The following MYO3B variants were observed in gnomAD, a reference collection of about 807,000 sequenced individuals.
MYO3B encodes the protein myosin IIIB, also known as myosin-IIIb.
MYO3B carries 156 observed loss-of-function variants against 174.6 expected under a neutral mutation model. The ratio of observed to expected loss-of-function variants is 0.89; its 90% CI spans 0.78 to 1.02. MYO3B has a LOEUF of 1.02. Ranked by LOEUF, MYO3B falls within the 50% of genes least tolerant of loss-of-function variation. The pLI, the probability that MYO3B is intolerant of heterozygous loss-of-function variation, is 0.00. For synonymous variants in MYO3B, 563 were observed against 569.1 expected (o/e 0.99, Z 0.15); for missense variants, 1,632 against 1,639.4 (o/e 1.00, Z 0.08).
At position 170,330,119 on chromosome 2, in the gene MYO3B, T is replaced by G. The variant is rs10202229; in HGVS notation, c.750-5266T>G. 9.1e-3 allele frequency among the ~76,000 whole-genome samples: 1,382 copies of G among 152,310 alleles called. 21 individuals carry two copies. Among genetic ancestry groups the G allele is most frequent in the African/African-American group, 0.032 (1,332 of 41,564 alleles). On this transcript the variant is annotated intron_variant, in intron 7 of 34. Coordinates refer to ENST00000408978, the MANE Select transcript of MYO3B (RefSeq NM_138995.5). The stretch of plus-strand genomic sequence containing the variant: ...CACCCTCCTCCCCTAGTTAGCTGAT[T>G]TATGTCCCATCTGTGAACAGAGGTC...
At chr2:170,467,965 C>G (rs1032711981) in intron 25 of MYO3B, among the ~76,000 whole-genome samples, 1 of 151,198 alleles carries the variant, frequency 6.6e-6, no homozygotes, top group African/African-American at 2.4e-5. Context: ...ATGAATTTGA[C>G]TAGTCAAGTA....
chr2:170,200,425 G>A, intron 3 of MYO3B, 141 bp downstream of exon 3: 2 of 850,850 alleles, frequency 2.4e-6, no homozygotes, highest in Non-Finnish European at 3.4e-6. Flanking sequence ...CACCAGATGT[G>A]ACATTCTCCT....
chr2:170,337,614 G>A (rs2093954027), intron 8 of MYO3B, among the ~76,000 whole-genome samples: 1 of 152,138 alleles, frequency 6.6e-6, no homozygotes, highest in Non-Finnish European at 1.5e-5. Context: ...TGCAGCGGTT[G>A]GGGTGCTGAC....
At chr2:170,536,753 T>G (rs1265054883) in intron 30 of MYO3B, among the ~76,000 whole-genome samples, 1 of 152,216 alleles carries the variant, frequency 6.6e-6, no homozygotes, top group Non-Finnish European at 1.5e-5. Context: ...ATATCTTAAT[T>G]TACCTTTGTA....
chr2:170,218,259 A>G (rs2092852413), intron 6 of MYO3B, among the ~76,000 whole-genome samples: 1 of 152,160 alleles, frequency 6.6e-6, no homozygotes, highest in East Asian at 1.9e-4. Flanking sequence ...CATACTGGGT[A>G]ATGGATAGGC....
At chr2:170,351,346 C>T (rs1304824364) in intron 8 of MYO3B, among the ~76,000 whole-genome samples, 2 of 152,088 alleles carry the variant, frequency 1.3e-5, no homozygotes, top group East Asian at 3.9e-4. Context: ...TTATGTGATC[C>T]TGTGCTCTAA....
chr2:170,569,817 C>T (rs1396417350), intron 32 of MYO3B, among the ~76,000 whole-genome samples: 1 of 147,522 alleles, frequency 6.8e-6, no homozygotes, highest in Non-Finnish European at 1.5e-5. Context: ...GCTGAGATTG[C>T]ACCACAGCAC....
Position 170,629,744 on chromosome 2 carries a change from C to T in MYO3B, c.3734-21884C>T, listed in dbSNP as rs142404917. On this transcript the variant is annotated intron_variant, in intron 32 of 34. Transcript: ENST00000408978. ...ACATGCCTATAATCCCAGCTACTCACGAGGCTGAGACAGGAGAATCACTTG... is the reference window on the plus strand; with the variant it reads ...ACATGCCTATAATCCCAGCTACTCATGAGGCTGAGACAGGAGAATCACTTG... 1.9e-3 allele frequency among the ~76,000 whole-genome samples: 289 copies of T among 152,134 alleles called. 2 individuals carry two copies. Among genetic ancestry groups the T allele is most frequent in the African/African-American group, 6.2e-3 (259 of 41,500 alleles).
rs928449258 is a variant in MYO3B at position 170,633,566 on chromosome 2, AG to A, written c.3734-18059del. ...TTCCCTTTGAAAACTGGCACAAGAC[AG>A]GGATGCCCTCTCTCACCACTCCTAT... On this transcript the variant is annotated intron_variant, in intron 32 of 34. Coordinates refer to ENST00000408978, the MANE Select transcript of MYO3B (RefSeq NM_138995.5). 6.3e-3 allele frequency among the ~76,000 whole-genome samples: 967 copies of A among 152,354 alleles called. 10 individuals carry two copies. The highest frequency in any genetic ancestry group is 0.021 in the African/African-American group (872 of 41,578).
intron 14 of MYO3B, among the ~76,000 whole-genome samples, chr2:170,390,233 A>G (rs141788110): frequency 2.7e-4 from 41 of 152,338 alleles, no homozygotes; most frequent in African/African-American, 6.3e-4. Flanking sequence ...GTTTGAGACC[A>G]GCCTGTGCAA....
At chr2:170,401,796 C>G in intron 18 of MYO3B, 105 bp downstream of exon 18, 1 of 794,042 alleles carries the variant, frequency 1.3e-6, no homozygotes, top group Non-Finnish European at 1.9e-6. Flanking sequence ...GATTTTCTTT[C>G]TTTTTCTTTT....
intron 7 of MYO3B, among the ~76,000 whole-genome samples, chr2:170,244,279 C>G (rs143398681): frequency 2.9e-3 from 436 of 152,216 alleles, no homozygotes; most frequent in Non-Finnish European, 5.3e-3. Flanking sequence ...AGCAAGAGTT[C>G]TAAACTTAGG....
At chr2:170,461,320 C>G (rs1164133656) in intron 23 of MYO3B, among the ~76,000 whole-genome samples, 1 of 151,374 alleles carries the variant, frequency 6.6e-6, no homozygotes, top group African/African-American at 2.4e-5. Context: ...ACTAAAAACA[C>G]AAAATTAGCT....
intron 29 of MYO3B, among the ~76,000 whole-genome samples, chr2:170,515,655 A>T (rs1303459235): frequency 3.9e-5 from 6 of 151,938 alleles, no homozygotes; most frequent in Non-Finnish European, 8.8e-5. Flanking sequence ...TCTGCTTGAG[A>T]GGCTATGATT....
At chr2:170,276,864 A>G (rs1406621316) in intron 7 of MYO3B, among the ~76,000 whole-genome samples, 1 of 152,172 alleles carries the variant, frequency 6.6e-6, no homozygotes, top group African/African-American at 2.4e-5. Context: ...GTGGATCATC[A>G]TTCTCATTTC....
chr2:170,300,172 T>C (rs2093656801), intron 7 of MYO3B, among the ~76,000 whole-genome samples: 1 of 152,204 alleles, frequency 6.6e-6, no homozygotes, highest in Admixed American at 6.5e-5. Flanking sequence ...ACCTGTACCT[T>C]TGAAATTGGG....
chr2:170,356,526 C>A (rs1004822381), intron 8 of MYO3B, among the ~76,000 whole-genome samples: 2 of 151,534 alleles, frequency 1.3e-5, no homozygotes, highest in African/African-American at 4.8e-5. Context: ...CCACACCTGG[C>A]TAATTTTGTA....
intron 21 of MYO3B, 137 bp from the exon 22 acceptor site, chr2:170,407,578 T>A (rs553788057): frequency 5.3e-4 from 38 of 71,502 alleles, no homozygotes; most frequent in Non-Finnish European, 9.1e-4. Context: ...TCCCTTTATC[T>A]GGTGCTCTGG....
rs551687069 is a variant in MYO3B at position 170,442,537 on chromosome 2, A to G, written c.2651-1430A>G. On this transcript the variant is annotated intron_variant, in intron 22 of 34. Coordinates refer to ENST00000408978, the MANE Select transcript of MYO3B (RefSeq NM_138995.5). ...TTTTAATTATACTTGAAGTTCTAGG[A>G]TACATGTGCACAACGTGCAGGTTTG... is the stretch of plus-strand genomic sequence containing the variant. 4.0e-4 allele frequency among the ~76,000 whole-genome samples: 58 copies of G among 145,646 alleles called. No individual in the cohort carries two copies. In the Admixed American group the frequency reaches 4.1e-3, roughly 10 times the overall value.
Sources: allele counts gnomAD v4.1 joint callset (sites outside exome capture counted in the v4.1 genomes callset), GRCh38; gene constraint gnomAD v4.1.1; transcripts MANE v1.5; gene names NCBI Gene and HGNC (gene_info 2026-07-23, HGNC 2026-07-21).